Variants in FHIT observed in about 807,000 individuals in gnomAD.
FHIT encodes bis(5'-adenosyl)-triphosphatase.
In FHIT, 19 loss-of-function variants were observed where a neutral mutation model predicts 17.9. The ratio of observed to expected loss-of-function variants is 1.06; its 90% CI spans 0.74 to 1.56. The LOEUF is 1.56. Ranked by LOEUF, FHIT falls within the 40% of genes most tolerant of loss-of-function variation. FHIT has a pLI of 0.00. For missense variants in FHIT, 248 were observed against 189.2 expected (o/e 1.31, Z -1.82); for synonymous variants, 81 against 69.7 (o/e 1.16, Z -0.81).
chr3:61,125,353 A>G (rs2036577598), intron 2 of FHIT, among the ~76,000 whole-genome samples: 1 of 152,220 alleles, frequency 6.6e-6, no homozygotes, highest in African/African-American at 2.4e-5. Context: ...AAAACTTATG[A>G]TAGAATAGAT....
At chr3:61,172,082 T>A (rs2038021601) in intron 2 of FHIT, among the ~76,000 whole-genome samples, 1 of 151,982 alleles carries the variant, frequency 6.6e-6, no homozygotes, top group Non-Finnish European at 1.5e-5. Context: ...GTGAGCAAAA[T>A]CAAAGTCATG....
At chr3:60,355,286 T>C (rs1029685480) in intron 5 of FHIT, among the ~76,000 whole-genome samples, 1 of 152,220 alleles carries the variant, frequency 6.6e-6, no homozygotes, top group Non-Finnish European at 1.5e-5. Context: ...TTAGCTGTCA[T>C]GGACTCAGAA....
At chr3:59,948,779 G>A (rs1399110098) in intron 7 of FHIT, among the ~76,000 whole-genome samples, 2 of 151,910 alleles carry the variant, frequency 1.3e-5, no homozygotes, top group Non-Finnish European at 2.9e-5. Flanking sequence ...TCAATGAAAT[G>A]TCTATTTATG....
intron 4 of FHIT, among the ~76,000 whole-genome samples, chr3:60,745,332 C>T (rs569170590): frequency 6.6e-6 from 1 of 152,182 alleles, no homozygotes; most frequent in African/African-American, 2.4e-5. Context: ...AAGGCCTTGC[C>T]GTGAGGCTGA....
At chr3:60,133,941 T>C (rs1013966331) in intron 5 of FHIT, among the ~76,000 whole-genome samples, 62 of 152,086 alleles carry the variant, frequency 4.1e-4, no homozygotes, top group African/African-American at 1.5e-3. Context: ...AAAATCAGAC[T>C]TCGTGCCAGC....
chr3:60,524,813 G>T (rs2035512196), intron 5 of FHIT, among the ~76,000 whole-genome samples: 2 of 152,150 alleles, frequency 1.3e-5, no homozygotes, highest in African/African-American at 4.8e-5. Context: ...TGTAGGATTT[G>T]CCTGGCTGAT....
chr3:60,496,112 T>C (rs1014873532), intron 5 of FHIT, among the ~76,000 whole-genome samples: 3 of 152,042 alleles, frequency 2.0e-5, no homozygotes, highest in Non-Finnish European at 2.9e-5. Flanking sequence ...ACAGCCAAAA[T>C]GCATAGACCA....
intron 4 of FHIT, among the ~76,000 whole-genome samples, chr3:60,540,980 C>T (rs907281305): frequency 3.9e-5 from 6 of 152,176 alleles, no homozygotes; most frequent in Non-Finnish European, 5.9e-5. Flanking sequence ...CCACCCCAGA[C>T]CTACTGAACC....
chr3:60,286,595 G>A (rs988514973), intron 5 of FHIT, among the ~76,000 whole-genome samples: 1 of 152,118 alleles, frequency 6.6e-6, no homozygotes, highest in East Asian at 1.9e-4. Context: ...ATCTCAAACA[G>A]AGTGGCCTCT....
intron 5 of FHIT, among the ~76,000 whole-genome samples, chr3:60,475,468 T>A (rs572417949): frequency 6.6e-6 from 1 of 152,354 alleles, no homozygotes; most frequent in Non-Finnish European, 1.5e-5. Flanking sequence ...GAGAAACTCA[T>A]ACTGGCAAAG....
intron 8 of FHIT, among the ~76,000 whole-genome samples, chr3:59,905,075 T>G (rs527571169): frequency 6.6e-6 from 1 of 152,208 alleles, no homozygotes; most frequent in African/African-American, 2.4e-5. Flanking sequence ...GGCTTTAAAC[T>G]CTCTTCCACT....
chr3:60,641,020 A>T (rs1440791697), intron 4 of FHIT, among the ~76,000 whole-genome samples: 1 of 152,130 alleles, frequency 6.6e-6, no homozygotes, highest in East Asian at 1.9e-4. Flanking sequence ...TCTTTACCAA[A>T]AATACAAAAT....
At chr3:59,985,898 T>C (rs749445287) in intron 7 of FHIT, among the ~76,000 whole-genome samples, 1 of 151,782 alleles carries the variant, frequency 6.6e-6, no homozygotes, top group Non-Finnish European at 1.5e-5. Context: ...ACACTTAGGA[T>C]ACATTTATAG....
intron 5 of FHIT, among the ~76,000 whole-genome samples, chr3:60,309,527 G>C (rs1052410570): frequency 1.3e-5 from 2 of 152,086 alleles, no homozygotes; most frequent in African/African-American, 4.8e-5. Context: ...ATACTCAAGT[G>C]GTGTGACAGA....
intron 5 of FHIT, among the ~76,000 whole-genome samples, chr3:60,170,343 G>C (rs1171335464): frequency 1.3e-5 from 2 of 152,152 alleles, no homozygotes; most frequent in Non-Finnish European, 2.9e-5. Context: ...ATATGATTCT[G>C]TAAATCCAAC....
chr3:61,229,710 A>C (rs2040053599), intron 1 of FHIT, among the ~76,000 whole-genome samples: 1 of 152,142 alleles, frequency 6.6e-6, no homozygotes, highest in African/African-American at 2.4e-5. Context: ...TTCAGTACAT[A>C]ATAGTGTTAT....
chr3:60,208,942 C>T (rs559193518), intron 5 of FHIT, among the ~76,000 whole-genome samples: 15 of 152,206 alleles, frequency 9.9e-5, no homozygotes, highest in Middle Eastern at 3.4e-3. Context: ...AACTAGGTGG[C>T]ATTGGGGTGA....
At chr3:60,123,995 TATATATATATATATAGAGAGAG>T (rs1559653525) in intron 5 of FHIT, among the ~76,000 whole-genome samples, 2 of 36,626 alleles carry the variant, frequency 5.5e-5, no homozygotes, top group African/African-American at 2.1e-4. Context: ...TATATATATA[TATATATATATATATAGAGAGAG>T]AGAGAGAGAG....
intron 3 of FHIT, among the ~76,000 whole-genome samples, chr3:60,925,196 G>A (rs879949931): frequency 6.6e-6 from 1 of 152,080 alleles, no homozygotes; most frequent in African/African-American, 2.4e-5. Flanking sequence ...TCAAATTCAG[G>A]AAATACAGAG....
Sources: allele counts gnomAD v4.1 joint callset (sites outside exome capture counted in the v4.1 genomes callset), GRCh38; gene constraint gnomAD v4.1.1; transcripts MANE v1.5; gene names NCBI Gene and HGNC (gene_info 2026-07-23, HGNC 2026-07-21).